SLC9A7: variants seen among roughly 807,000 people sequenced by gnomAD.
SLC9A7 encodes solute carrier family 9 member A7.
A neutral mutation model predicts 52.6 loss-of-function variants in SLC9A7; 19 were observed. The observed-to-expected ratio is 0.36, with a 90% CI of 0.25 to 0.53. SLC9A7 has a LOEUF of 0.53. SLC9A7 is among the 20% of genes least tolerant of loss of function. SLC9A7 has a pLI of 0.91. For missense variants in SLC9A7, 455 were observed against 597.9 expected, an observed-to-expected ratio of 0.76 and a Z score of 2.49; for synonymous variants, 226 against 252.1, an observed-to-expected ratio of 0.90 and a Z score of 0.98.
At chrX:46,701,315 C>T (rs1445625544) in intron 1 of SLC9A7, among the ~76,000 whole-genome samples, 2 of 111,561 alleles carry the variant, frequency 1.8e-5, no homozygotes, top group South Asian at 3.8e-4. Flanking sequence ...GGGCCGGGCG[C>T]GGTGGCTCAC....
chrX:46,616,732 A>G (rs1181136345), intron 15 of SLC9A7, among the ~76,000 whole-genome samples: 1 of 111,635 alleles, frequency 9.0e-6, no homozygotes, highest in Non-Finnish European at 1.9e-5. Flanking sequence ...TGGGTGTAGA[A>G]TTCTAGGTTC....
chrX:46,672,491 A>G (rs1439737034), intron 4 of SLC9A7, 60 bp downstream of exon 4: 3 of 912,245 alleles, frequency 3.3e-6, no homozygotes. Context: ...TGTGGACCCA[A>G]ATGGATCTCA....
intron 5 of SLC9A7, among the ~76,000 whole-genome samples, chrX:46,669,249 A>C (rs931415058): frequency 2.7e-5 from 3 of 110,496 alleles, no homozygotes; most frequent in African/African-American, 9.9e-5. Flanking sequence ...TTAATAATAA[A>C]AAAGGAAATT....
At chrX:46,654,638 C>T (rs778156565) in intron 7 of SLC9A7, among the ~76,000 whole-genome samples, 3 of 110,241 alleles carry the variant, frequency 2.7e-5, no homozygotes, top group East Asian at 2.8e-4. Context: ...TGTGCACCAC[C>T]GAGGCCACCT....
intron 1 of SLC9A7, among the ~76,000 whole-genome samples, chrX:46,733,102 G>A (rs1945068927): frequency 8.9e-6 from 1 of 112,089 alleles, no homozygotes; most frequent in African/African-American, 3.2e-5. Flanking sequence ...ACAATGTTAA[G>A]GAGAAATGGA....
intron 1 of SLC9A7, among the ~76,000 whole-genome samples, chrX:46,724,501 C>A (rs900916375): frequency 8.9e-6 from 1 of 111,876 alleles, no homozygotes; most frequent in African/African-American, 3.2e-5. Context: ...AAATTATATC[C>A]TTTTGAAAAA....
rs1396427400 is a variant in SLC9A7, at chrX:46,718,027, C to T, written c.326-35492G>A. Among the ~76,000 whole-genome samples the T allele has an allele frequency of 7.2e-5, 8 of 111,665 alleles. No individual in the cohort carries two copies. The East Asian group carries it at 8.3e-4, about 12-fold the overall frequency. The stretch of plus-strand genomic sequence containing the variant: ...CAAAAGAACAAAGCTGGAGGCATCA[C>T]GCTACCTGACTTCAAACTATACTAC... On this transcript the variant is annotated intron_variant, in intron 1 of 16. Transcript: ENST00000616978.
intron 1 of SLC9A7, among the ~76,000 whole-genome samples, chrX:46,748,900 A>G (rs2147022205): frequency 9.0e-6 from 1 of 110,601 alleles, no homozygotes; most frequent in African/African-American, 3.3e-5. Context: ...GAATATTATA[A>G]ATGTTATTAA....
At chrX:46,711,605 T>G (rs748632654) in intron 1 of SLC9A7, among the ~76,000 whole-genome samples, 19 of 111,958 alleles carry the variant, frequency 1.7e-4, no homozygotes, top group African/African-American at 6.2e-4. Flanking sequence ...CTTTTGCTCA[T>G]TTTAACTTAC....
intron 1 of SLC9A7, chrX:46,725,928 A>G (rs886847954): frequency 5.7e-6 from 2 of 348,107 alleles, no homozygotes; most frequent in Admixed American, 4.3e-5. Flanking sequence ...GGTTCAGAGC[A>G]GGGAGTCTAG....
chrX:46,700,058 T>C (rs1020864227), intron 1 of SLC9A7, among the ~76,000 whole-genome samples: 12 of 109,437 alleles, frequency 1.1e-4, no homozygotes, highest in Non-Finnish European at 1.7e-4. Context: ...TGAGCCGTGA[T>C]TGCACCACCG....
chrX:46,688,730 G>A (rs965413427), intron 1 of SLC9A7, among the ~76,000 whole-genome samples: 4 of 109,945 alleles, frequency 3.6e-5, no homozygotes, highest in Non-Finnish European at 7.6e-5. Context: ...TTTCCCTAAT[G>A]CCTAAAGATG....
intron 14 of SLC9A7, among the ~76,000 whole-genome samples, chrX:46,630,174 A>G (rs1943199844): frequency 1.8e-5 from 2 of 111,585 alleles, no homozygotes; most frequent in Non-Finnish European, 3.8e-5. Flanking sequence ...CTTAAAGAGA[A>G]AGAAACCACA....
rs780030680 is a variant in SLC9A7 at position 46,612,782 on chromosome X, C to G, written c.1929+507G>C. On this transcript the variant is annotated intron_variant, in intron 16 of 16. Transcript: ENST00000616978. ...CTCTACTAAAAATACAAAAATTAGC[C>G]CGGTGTGGTGGCAGGCGCCTGTAAT... Among the ~76,000 whole-genome samples the G allele has an allele frequency of 4.6e-5, 5 of 108,317 alleles. No homozygotes were observed. In the East Asian group the frequency reaches 1.4e-3, roughly 31 times the overall value. The allele number at this position is 108,317 out of a possible 115,157, so 94.1% of individuals were successfully genotyped here.
At chrX:46,630,736 G>A (rs1249028963) in intron 14 of SLC9A7, among the ~76,000 whole-genome samples, 2 of 112,128 alleles carry the variant, frequency 1.8e-5, no homozygotes, top group African/African-American at 6.5e-5. Flanking sequence ...AGAGGTTATG[G>A]TCTCTATCCC....
intron 11 of SLC9A7, chrX:46,646,905 T>C: frequency 3.2e-6 from 1 of 311,635 alleles, no homozygotes. Flanking sequence ...GTAGCTGATC[T>C]TCAGTGAGGG....
At chrX:46,689,959 T>G (rs1241725580) in intron 1 of SLC9A7, among the ~76,000 whole-genome samples, 1 of 112,062 alleles carries the variant, frequency 8.9e-6, no homozygotes, top group Non-Finnish European at 1.9e-5. Context: ...CTCATTCTTT[T>G]TTATAGCTGC....
At chrX:46,731,432 T>TATAAAAAAAAAA (rs748259550) in intron 1 of SLC9A7, among the ~76,000 whole-genome samples, 3 of 78,246 alleles carry the variant, frequency 3.8e-5, no homozygotes, top group Non-Finnish European at 5.3e-5. Flanking sequence ...TATAAAAAAT[T>TATAAAAAAAAAA]AAAAAAAATT....
intron 4 of SLC9A7, among the ~76,000 whole-genome samples, chrX:46,669,988 C>T (rs774077144): frequency 8.9e-6 from 1 of 111,934 alleles, no homozygotes; most frequent in East Asian, 2.8e-4. Flanking sequence ...GCACAGTCTT[C>T]AATTAGCAAC....
Sources: allele counts gnomAD v4.1 joint callset (sites outside exome capture counted in the v4.1 genomes callset), GRCh38; gene constraint gnomAD v4.1.1; transcripts MANE v1.5; gene names NCBI Gene and HGNC (gene_info 2026-07-23, HGNC 2026-07-21).